The following RBFOX3 variants were observed in gnomAD, a reference collection of about 807,000 sequenced individuals.
The protein encoded by RBFOX3 is RNA binding fox-1 homolog 3.
RBFOX3 carries 17 observed loss-of-function variants against 48.7 expected under a neutral mutation model. The observed-to-expected ratio is 0.35, with a 90% CI of 0.24 to 0.52. RBFOX3 has a LOEUF of 0.52. Ranked by LOEUF, RBFOX3 falls within the 20% of genes least tolerant of loss-of-function variation. The probability of loss-of-function intolerance (pLI) is 0.94; values close to 1 mark genes in which losing one functional copy is unlikely to be tolerated. For synonymous variants in RBFOX3, 212 were observed against 209.5 expected (o/e 1.01, Z -0.10); for missense variants, 382 against 497.5 (o/e 0.77, Z 2.21).
At chr17:79,120,394 G>A (rs2035373974) in intron 4 of RBFOX3, among the ~76,000 whole-genome samples, 2 of 151,958 alleles carry the variant, frequency 1.3e-5, no homozygotes, top group South Asian at 4.2e-4. Flanking sequence ...TGGATAGATG[G>A]GTGGATGGAT....
chr17:79,169,121 CTG>C (rs142342351), intron 4 of RBFOX3, among the ~76,000 whole-genome samples: 4,778 of 152,314 alleles, frequency 0.031, 242 homozygotes, highest in African/African-American at 0.11. Context: ...TCCGTGGGGA[CTG>C]TGTGAATCCC....
chr17:79,535,940 T>C lies in RBFOX3; in HGVS notation c.-319-53342A>G, dbSNP rs1302115243. On this transcript the variant is annotated intron_variant, in intron 1 of 14. Coordinates refer to ENST00000693108, the MANE Select transcript of RBFOX3 (RefSeq NM_001350451.2). The surrounding 1 kb of genome is among the most constrained non-coding windows in gnomAD (Gnocchi z 4.5). ...CCCGTGACCAGTAGCGGCAGGGTCA[T>C]CTCCACAGGCCCCTCCCTCCCTCCA... Among the ~76,000 whole-genome samples, 1 of 152,020 alleles carries C rather than the reference T, an allele frequency of 6.6e-6. No individual in the cohort carries two copies. The highest frequency in any genetic ancestry group is 1.5e-5 in the Non-Finnish European group (1 of 67,988).
At chr17:79,177,380 G>A (rs749912970) in intron 4 of RBFOX3, among the ~76,000 whole-genome samples, 32 of 152,212 alleles carry the variant, frequency 2.1e-4, no homozygotes, top group Admixed American at 1.0e-3. Context: ...GTGGCTCAGC[G>A]TCTGCCCTGC....
At chr17:79,117,355 A>G (rs1331094438) in intron 4 of RBFOX3, among the ~76,000 whole-genome samples, 1 of 152,070 alleles carries the variant, frequency 6.6e-6, no homozygotes, top group African/African-American at 2.4e-5. Flanking sequence ...GGGGAGGAGG[A>G]GCGCCCAGCA....
chr17:79,259,039 T>C (rs1313711375), intron 3 of RBFOX3, among the ~76,000 whole-genome samples: 1 of 152,200 alleles, frequency 6.6e-6, no homozygotes, highest in East Asian at 1.9e-4. Context: ...CAATCCCAGC[T>C]CTAAGTCATT....
intron 1 of RBFOX3, among the ~76,000 whole-genome samples, chr17:79,547,989 C>A (rs2090687803): frequency 6.6e-6 from 1 of 152,232 alleles, no homozygotes; most frequent in Admixed American, 6.5e-5. Context: ...AGAGGACCAG[C>A]TTCCCTCCTC....
chr17:79,520,416 G>A (rs1165291448), intron 1 of RBFOX3, among the ~76,000 whole-genome samples: 1 of 152,202 alleles, frequency 6.6e-6, no homozygotes, highest in African/African-American at 2.4e-5. Context: ...TGGAGCTGCA[G>A]CTGAGCGAGC....
At chr17:79,555,505 GTGGTGA>G (rs2091620778) in intron 1 of RBFOX3, among the ~76,000 whole-genome samples, 1 of 142,584 alleles carries the variant, frequency 7.0e-6, no homozygotes, top group Non-Finnish European at 1.5e-5. Flanking sequence ...GGTGGTGGTG[GTGGTGA>G]TGGTGGTGGT....
intron 1 of RBFOX3, among the ~76,000 whole-genome samples, chr17:79,567,953 T>C (rs2092529422): frequency 6.6e-6 from 1 of 152,250 alleles, no homozygotes; most frequent in Non-Finnish European, 1.5e-5. Flanking sequence ...TATTAAGAGA[T>C]GGTTTGCAGA....
At chr17:79,123,567 G>A (rs964459745) in intron 4 of RBFOX3, among the ~76,000 whole-genome samples, 2 of 152,022 alleles carry the variant, frequency 1.3e-5, no homozygotes, top group Non-Finnish European at 1.5e-5. Flanking sequence ...GAGGGGACAC[G>A]CTAACAACGG....
At chr17:79,523,138 GC>G (rs2086346268) in intron 1 of RBFOX3, among the ~76,000 whole-genome samples, 1 of 151,524 alleles carries the variant, frequency 6.6e-6, no homozygotes, top group African/African-American at 2.4e-5. Context: ...TGGTGGGGGG[GC>G]GGGTGGTTTG....
At chr17:79,129,664 A>G (rs1675271) in intron 4 of RBFOX3, among the ~76,000 whole-genome samples, 85,189 of 152,162 alleles carry the variant, frequency 0.56, 25,831 homozygotes, top group Non-Finnish European at 0.7. Context: ...CCCTGCCCCA[A>G]TGGGGAGAGG....
chr17:79,112,917 G>T (rs1200552240), intron 5 of RBFOX3, among the ~76,000 whole-genome samples: 1 of 109,566 alleles, frequency 9.1e-6, no homozygotes, highest in African/African-American at 3.8e-5. Context: ...GGGGGGGGTG[G>T]GCTGGGTAGG....
chr17:79,403,487 C>A lies in RBFOX3; in HGVS notation c.-175+78967G>T, dbSNP rs371648729. On this transcript the variant is annotated intron_variant, in intron 2 of 14. Transcript: ENST00000693108. ...CAGACTCCAGAGCTCAGGAATAATC[C>A]GTGAACACAGCCCCACCATGGACTT... Among the ~76,000 whole-genome samples the A allele has an allele frequency of 4.6e-5, 7 of 152,346 alleles. No homozygotes were observed. In the South Asian group the frequency reaches 1.4e-3, roughly 32 times the overall value.
chr17:79,334,763 C>G (rs1029528096), intron 2 of RBFOX3, among the ~76,000 whole-genome samples: 4 of 152,214 alleles, frequency 2.6e-5, no homozygotes, highest in Non-Finnish European at 5.9e-5. Context: ...TGCCACATGA[C>G]AGCAGTAATG....
At chr17:79,174,766 T>A (rs945216897) in intron 4 of RBFOX3, among the ~76,000 whole-genome samples, 1 of 152,162 alleles carries the variant, frequency 6.6e-6, no homozygotes, top group Non-Finnish European at 1.5e-5. Flanking sequence ...CACAACACAC[T>A]TGCCCCACTT....
rs938719103 is a variant in RBFOX3 at position 79,480,137 on chromosome 17, C to T, written c.-175+2317G>A. Among the ~76,000 whole-genome samples the T allele has an allele frequency of 1.3e-5, 2 of 152,212 alleles. No homozygotes were observed. The highest frequency in any genetic ancestry group is 2.9e-5 in the Non-Finnish European group (2 of 68,030). On this transcript the variant is annotated intron_variant, in intron 2 of 14. Coordinates refer to ENST00000693108, the MANE Select transcript of RBFOX3 (RefSeq NM_001350451.2). The surrounding 1 kb of genome is among the most constrained non-coding windows in gnomAD (Gnocchi z 4.8). ...AAGAGCCAGAAAGAGCAGTGGGATT[C>T]CTGCCCTCTAAACAGTCACATTGCT...
intron 4 of RBFOX3, among the ~76,000 whole-genome samples, chr17:79,171,090 G>A (rs2049183528): frequency 6.6e-6 from 1 of 152,212 alleles, no homozygotes; most frequent in Admixed American, 6.5e-5. Context: ...GGCCCCATGT[G>A]GCTGTCGAGC....
the RBFOX3 span, among the ~76,000 whole-genome samples, chr17:79,642,891 T>C: frequency 1.3e-5 from 2 of 152,178 alleles, no homozygotes; most frequent in Admixed American, 1.3e-4. Context: ...TCGAGCACTT[T>C]TTAAAAGGCT....
Sources: gnomAD v4.1 joint callset for allele counts (sites outside exome capture counted in the v4.1 genomes callset) on GRCh38, gnomAD v4.1.1 for gene constraint, Gnocchi (gnomAD v3.1) non-coding constraint, MANE v1.5 for transcripts, NCBI Gene and HGNC (gene_info 2026-07-23, HGNC 2026-07-21) for gene names.